Variants in F13A1 observed in about 807,000 individuals in gnomAD.
F13A1 encodes FSF, A subunit.
A neutral mutation model predicts 80.1 loss-of-function variants in F13A1; 47 were observed. The ratio of observed to expected loss-of-function variants is 0.59; its 90% confidence interval spans 0.46 to 0.75. The LOEUF is 0.75. Ranked by LOEUF, F13A1 falls within the 30% of genes least tolerant of loss-of-function variation. The pLI is 0.00. For missense variants in F13A1, 817 were observed against 930.4 expected (o/e 0.88, Z 1.59); for synonymous variants, 349 against 344.9 (o/e 1.01, Z -0.13).
chr6:6,185,414 GAGAATGATGATGTGAT>G (rs1761062436), intron 10 of F13A1, among the ~76,000 whole-genome samples: 1 of 136,534 alleles, frequency 7.3e-6, no homozygotes, highest in Non-Finnish European at 1.6e-5. Context: ...ATAGTTTACT[GAGAATGATGATGTGAT>G]CTCATTGTTC....
intron 3 of F13A1, among the ~76,000 whole-genome samples, chr6:6,268,995 G>GTT (rs559294187): frequency 1.1e-4 from 16 of 144,366 alleles, no homozygotes; most frequent in African/African-American, 3.3e-4. Flanking sequence ...CTGGCAAATT[G>GTT]TTTTTTTTTT....
chr6:6,217,720 G>A (rs1440732849), intron 8 of F13A1, among the ~76,000 whole-genome samples: 1 of 151,796 alleles, frequency 6.6e-6, no homozygotes, highest in Non-Finnish European at 1.5e-5. Context: ...ATGTATAGAA[G>A]AACAATCTCA....
intron 6 of F13A1, among the ~76,000 whole-genome samples, chr6:6,228,354 C>A (rs3900271): frequency 6.6e-6 from 1 of 152,296 alleles, no homozygotes; most frequent in Non-Finnish European, 1.5e-5. Flanking sequence ...GGCAACATGG[C>A]TCAGCTCCTA....
intron 4 of F13A1, among the ~76,000 whole-genome samples, chr6:6,260,887 G>A (rs1347530973): frequency 6.6e-6 from 1 of 152,196 alleles, no homozygotes; most frequent in Non-Finnish European, 1.5e-5. Context: ...GTAAGGGAGA[G>A]AGACTGGAAT....
intron 6 of F13A1, among the ~76,000 whole-genome samples, chr6:6,229,543 T>C (rs1310056493): frequency 6.6e-6 from 1 of 152,142 alleles, no homozygotes; most frequent in Non-Finnish European, 1.5e-5. Flanking sequence ...AACATAAGGA[T>C]GATTAGTGTC....
chr6:6,242,019 GT>G (rs1757489737), intron 6 of F13A1, among the ~76,000 whole-genome samples: 2 of 152,100 alleles, frequency 1.3e-5, no homozygotes, highest in Admixed American at 1.3e-4. Flanking sequence ...TATAAAAGTA[GT>G]TATGTCATTA....
intron 2 of F13A1, among the ~76,000 whole-genome samples, chr6:6,314,180 C>T (rs942952941): frequency 1.5e-4 from 23 of 152,092 alleles, no homozygotes; most frequent in African/African-American, 5.5e-4. Context: ...CAGGGTTTCA[C>T]CATGTTGGCC....
At chr6:6,147,192 G>A (rs1022468383) in intron 14 of F13A1, among the ~76,000 whole-genome samples, 1 of 152,074 alleles carries the variant, frequency 6.6e-6, no homozygotes, top group Non-Finnish European at 1.5e-5. Flanking sequence ...ACTACAAAAT[G>A]GTTACAGTAT....
intron 6 of F13A1, among the ~76,000 whole-genome samples, chr6:6,241,417 A>T (rs1012929544): frequency 6.6e-6 from 1 of 152,220 alleles, no homozygotes; most frequent in Non-Finnish European, 1.5e-5. Flanking sequence ...CACCGCCACC[A>T]TCATTAGAAG....
At chr6:6,242,410 G>T (rs1208226263) in intron 6 of F13A1, among the ~76,000 whole-genome samples, 2 of 152,174 alleles carry the variant, frequency 1.3e-5, no homozygotes, top group African/African-American at 4.8e-5. Flanking sequence ...ATTGTGGTTC[G>T]ATATTAGCAA....
At chr6:6,173,329 A>G (rs1034811210) in intron 12 of F13A1, among the ~76,000 whole-genome samples, 1 of 152,066 alleles carries the variant, frequency 6.6e-6, no homozygotes, top group African/African-American at 2.4e-5. Context: ...AAGAGGCCCC[A>G]CAAGAGATGG....
At chr6:6,232,106 C>A (rs1392744306) in intron 6 of F13A1, among the ~76,000 whole-genome samples, 1 of 152,156 alleles carries the variant, frequency 6.6e-6, no homozygotes, top group African/African-American at 2.4e-5. Context: ...CATTTCAACA[C>A]TAACATTGAA....
At chr6:6,296,031 G>C (rs1758321033) in intron 3 of F13A1, among the ~76,000 whole-genome samples, 1 of 143,634 alleles carries the variant, frequency 7.0e-6, no homozygotes, top group African/African-American at 2.9e-5. Flanking sequence ...GTTTTTCTCA[G>C]GTTTGTCAAA....
In F13A1 at chr6:6,293,064, A is replaced by G. The variant is rs561818918; in HGVS notation, c.319+12287T>C. On this transcript the variant is annotated intron_variant, in intron 3 of 14. Transcript: ENST00000264870. ...TCTTTCTGCTGTAACCAGAAATGTGAAGCTTGAATCTGTGAGGGCCATCAT... is the reference window on the plus strand; with the variant it reads ...TCTTTCTGCTGTAACCAGAAATGTGGAGCTTGAATCTGTGAGGGCCATCAT... Among the ~76,000 whole-genome samples the G allele has an allele frequency of 7.2e-5, 11 of 152,284 alleles. No individual in the cohort carries two copies. In the East Asian group the frequency reaches 2.1e-3, roughly 29 times the overall value.
At chr6:6,245,589 T>C (rs1030003659) in intron 6 of F13A1, among the ~76,000 whole-genome samples, 1 of 152,190 alleles carries the variant, frequency 6.6e-6, no homozygotes, top group Middle Eastern at 3.2e-3. Context: ...TTTTTCAACA[T>C]GCACCCACCT....
At chr6:6,231,918 C>A (rs1255007102) in intron 6 of F13A1, among the ~76,000 whole-genome samples, 2 of 152,148 alleles carry the variant, frequency 1.3e-5, no homozygotes, top group African/African-American at 4.8e-5. Context: ...ACAAGAACTG[C>A]TAAAAGGAGC....
intron 13 of F13A1, among the ~76,000 whole-genome samples, chr6:6,155,499 G>A (rs1760456456): frequency 6.6e-6 from 1 of 152,062 alleles, no homozygotes; most frequent in Non-Finnish European, 1.5e-5. Flanking sequence ...GTTGTAGTGT[G>A]TTTCTTTTGC....
chr6:6,150,832 C>G (rs938599870), intron 14 of F13A1, among the ~76,000 whole-genome samples: 2 of 151,852 alleles, frequency 1.3e-5, no homozygotes, highest in Admixed American at 6.6e-5. Context: ...GGAGTAGTGA[C>G]AAATTGGAAT....
At chr6:6,297,488 G>T (rs1294955697) in intron 3 of F13A1, among the ~76,000 whole-genome samples, 1 of 151,196 alleles carries the variant, frequency 6.6e-6, no homozygotes, top group Non-Finnish European at 1.5e-5. Context: ...GAGTGTATGT[G>T]TCCAGAAATT....
Sources: gnomAD v4.1 joint callset for allele counts (sites outside exome capture counted in the v4.1 genomes callset) on GRCh38, gnomAD v4.1.1 for gene constraint, MANE v1.5 for transcripts, NCBI Gene and HGNC (gene_info 2026-07-23, HGNC 2026-07-21) for gene names.